The following CIMAP3 variants were observed in gnomAD, a reference collection of about 807,000 sequenced individuals.
CIMAP3 encodes ciliary microtubule associated protein 3.
At chr1:111,347,602 C>G in the CIMAP3 span, 2 of 965,958 alleles carry the variant, frequency 2.1e-6, no homozygotes, top group Non-Finnish European at 3.2e-6. Context: ...TGTTCTCTGA[C>G]TATGCGTTGT....
the CIMAP3 span, among the ~76,000 whole-genome samples, chr1:111,328,615 T>C: frequency 4.6e-5 from 7 of 152,362 alleles, no homozygotes; most frequent in South Asian, 1.4e-3. Flanking sequence ...CCCTTCTTTG[T>C]CTTTTTTTAT....
chr1:111,345,575 G>C, the CIMAP3 span, among the ~76,000 whole-genome samples: 4 of 152,146 alleles, frequency 2.6e-5, no homozygotes, highest in African/African-American at 9.6e-5. Flanking sequence ...ACACCCTCTG[G>C]GAGTCACTGT....
At chr1:111,350,345 T>C in the CIMAP3 span, 4 of 746,074 alleles carry the variant, frequency 5.4e-6, no homozygotes, top group East Asian at 7.4e-5. Flanking sequence ...CAAAAAATTA[T>C]ATGCACAATT....
the CIMAP3 span, among the ~76,000 whole-genome samples, chr1:111,337,301 A>G: frequency 1.3e-5 from 2 of 152,236 alleles, no homozygotes; most frequent in Non-Finnish European, 2.9e-5. Context: ...AACGTGCAAA[A>G]TAGCCAGCTA....
chr1:111,340,937 G>A, the CIMAP3 span, among the ~76,000 whole-genome samples: 2 of 151,986 alleles, frequency 1.3e-5, no homozygotes, highest in Non-Finnish European at 2.9e-5. Flanking sequence ...ATTCACAATA[G>A]CAAAGACTTG....
chr1:111,331,101 G>A, the CIMAP3 span, among the ~76,000 whole-genome samples: 1 of 152,172 alleles, frequency 6.6e-6, no homozygotes, highest in East Asian at 1.9e-4. Context: ...ATTCCTTTGT[G>A]TGTGACTTGA....
chr1:111,337,614 G>T, the CIMAP3 span, among the ~76,000 whole-genome samples: 1 of 152,182 alleles, frequency 6.6e-6, no homozygotes, highest in Non-Finnish European at 1.5e-5. Flanking sequence ...GTTACATAAT[G>T]GTCAAGGGAT....
At chr1:111,339,000 T>A in the CIMAP3 span, among the ~76,000 whole-genome samples, 1 of 152,152 alleles carries the variant, frequency 6.6e-6, no homozygotes, top group African/African-American at 2.4e-5. Context: ...AAAAAGCTTA[T>A]CCACCATGAT....
the CIMAP3 span, among the ~76,000 whole-genome samples, chr1:111,338,456 A>C: frequency 5.6e-5 from 8 of 142,386 alleles, no homozygotes; most frequent in Middle Eastern, 3.5e-3. Flanking sequence ...TCTAGCAAGA[A>C]TAATAAAGAA....
At chr1:111,350,165 T>C in the CIMAP3 span, 1 of 1,614,062 alleles carries the variant, frequency 6.2e-7, no homozygotes, top group South Asian at 1.1e-5. Context: ...CCAATGAAAT[T>C]TGGATCTCCA....
chr1:111,330,159 T>A, the CIMAP3 span, among the ~76,000 whole-genome samples: 1 of 152,218 alleles, frequency 6.6e-6, no homozygotes, highest in Non-Finnish European at 1.5e-5. Context: ...TTTGTTCCTA[T>A]CCATATTCTG....
chr1:111,330,257 C>G, the CIMAP3 span, among the ~76,000 whole-genome samples: 3 of 152,214 alleles, frequency 2.0e-5, no homozygotes, highest in African/African-American at 7.2e-5. Context: ...ATATACCACA[C>G]TCTGGCCTTC....
At chr1:111,342,218 G>T in the CIMAP3 span, among the ~76,000 whole-genome samples, 1 of 152,148 alleles carries the variant, frequency 6.6e-6, no homozygotes. Context: ...TCCAGCAACA[G>T]ATTCCTCAAT....
At chr1:111,338,374 C>CA in the CIMAP3 span, among the ~76,000 whole-genome samples, 3 of 150,070 alleles carry the variant, frequency 2.0e-5, no homozygotes, top group Admixed American at 2.0e-4. Context: ...AATAGAGACA[C>CA]AAAAAAACCC....
the CIMAP3 span, among the ~76,000 whole-genome samples, chr1:111,336,202 C>A: frequency 7.9e-3 from 1,203 of 152,268 alleles, 16 homozygotes; most frequent in African/African-American, 0.027. Flanking sequence ...CCCATCTGCA[C>A]ATCACCATCA....
the CIMAP3 span, among the ~76,000 whole-genome samples, chr1:111,341,151 G>C: frequency 7.1e-6 from 1 of 139,976 alleles, no homozygotes; most frequent in South Asian, 2.3e-4. Flanking sequence ...GGTGGGAACT[G>C]AACAATGAGA....
the CIMAP3 span, among the ~76,000 whole-genome samples, chr1:111,327,101 C>T: frequency 2.0e-5 from 3 of 149,748 alleles, no homozygotes; most frequent in African/African-American, 4.9e-5. Flanking sequence ...TTAATATAGT[C>T]GATTTGTCTA....
chr1:111,340,236 C>T, the CIMAP3 span, among the ~76,000 whole-genome samples: 1 of 151,840 alleles, frequency 6.6e-6, no homozygotes, highest in Admixed American at 6.5e-5. Context: ...AACGTTAGAC[C>T]TAAAACCATA....
At chr1:111,344,793 C>T in the CIMAP3 span, among the ~76,000 whole-genome samples, 1 of 152,122 alleles carries the variant, frequency 6.6e-6, no homozygotes, top group African/African-American at 2.4e-5. Flanking sequence ...ATCATCAAAT[C>T]CATACCAATA....
Sources: gnomAD v4.1 joint callset for allele counts (sites outside exome capture counted in the v4.1 genomes callset) on GRCh38, gnomAD v4.1.1 for gene constraint, MANE v1.5 for transcripts, NCBI Gene and HGNC (gene_info 2026-07-23, HGNC 2026-07-21) for gene names.